RNF130: variants seen among roughly 807,000 people sequenced by gnomAD.
RNF130 encodes E3 ubiquitin-protein ligase RNF130.
Under a neutral mutation model 44.6 loss-of-function variants are expected in RNF130, and 21 were observed. The ratio of observed to expected loss-of-function variants is 0.47; its 90% CI spans 0.33 to 0.68. RNF130 has a LOEUF of 0.68. Among genes scored for constraint, RNF130 ranks in the 30% least tolerant of loss-of-function variants. The pLI is 0.02. For missense variants in RNF130, 479 were observed against 560.6 expected (o/e 0.85, Z 1.47); for synonymous variants, 214 against 210.4 (o/e 1.02, Z -0.15).
At chr5:179,947,245 A>T (rs1156354055) in intron 7 of RNF130, among the ~76,000 whole-genome samples, 2 of 152,228 alleles carry the variant, frequency 1.3e-5, no homozygotes, top group Non-Finnish European at 2.9e-5. Context: ...TTTCAGGACC[A>T]GTCTGCATTC....
At chr5:179,999,725 GA>G (rs1763290840) in intron 3 of RNF130, among the ~76,000 whole-genome samples, 1 of 151,506 alleles carries the variant, frequency 6.6e-6, no homozygotes, top group African/African-American at 2.4e-5. Context: ...TCAAAAAAAG[GA>G]AAAAAGAAAA....
At chr5:179,958,696 T>G (rs1278410397) in intron 8 of RNF130, among the ~76,000 whole-genome samples, 1 of 151,994 alleles carries the variant, frequency 6.6e-6, no homozygotes, top group Non-Finnish European at 1.5e-5. Context: ...GTTTCTTTCT[T>G]TTTTTTTGAG....
rs1762731225 is a variant in RNF130 at position 179,977,174 on chromosome 5, T to C, written c.848+1029A>G. 1 of 152,252 alleles carries C rather than the reference T, an allele frequency of 6.6e-6. No homozygotes were observed. Among genetic ancestry groups the C allele is most frequent in the Non-Finnish European group, 1.5e-5 (1 of 68,102 alleles). The allele number at this position is 152,252 out of a possible 1,614,324, so 9.4% of individuals were successfully genotyped here. On this transcript the variant is annotated intron_variant, in intron 5 of 8. Transcript: ENST00000521389. This position sits in a 1 kb window ranked among gnomAD's most constrained non-coding sequence, Gnocchi z 4.1. ...ACTGTACAACGGGGAAAACACACCC[T>C]CTTAGGACTGCTGGGAGAATTATAG...
At chr5:179,935,282 A>C (rs1344867868) in intron 7 of RNF130, among the ~76,000 whole-genome samples, 1 of 152,232 alleles carries the variant, frequency 6.6e-6, no homozygotes, top group Non-Finnish European at 1.5e-5. Flanking sequence ...ATCATCCAGC[A>C]TATAAGTCTA....
At chr5:179,966,689 CT>C (rs1273548774) in intron 7 of RNF130, 116 bp downstream of exon 7, 1 of 819,814 alleles carries the variant, frequency 1.2e-6, no homozygotes, top group East Asian at 2.7e-5. Context: ...ACACACATCA[CT>C]TTCTTGGTTA....
intron 1 of RNF130, among the ~76,000 whole-genome samples, chr5:180,062,850 T>A (rs1025264918): frequency 6.6e-6 from 1 of 152,216 alleles, no homozygotes; most frequent in Non-Finnish European, 1.5e-5. Flanking sequence ...AGATTCTCAA[T>A]CTGTCCCGTT....
At chr5:179,945,898 C>G (rs373948602) in intron 7 of RNF130, among the ~76,000 whole-genome samples, 2 of 132,350 alleles carry the variant, frequency 1.5e-5, no homozygotes, top group Admixed American at 1.5e-4. Context: ...ACAATAAATG[C>G]CCGGAGGGAA....
chr5:180,026,166 G>A (rs952433770), intron 2 of RNF130, among the ~76,000 whole-genome samples: 1 of 150,326 alleles, frequency 6.7e-6, no homozygotes, highest in African/African-American at 2.4e-5. Flanking sequence ...ATTGCTGATT[G>A]ATAAAAAGAT....
chr5:179,976,779 A>G (rs1401047398), intron 5 of RNF130: 1 of 152,052 alleles, frequency 6.6e-6, no homozygotes, highest in Non-Finnish European at 1.5e-5. Flanking sequence ...TCATGGAGAT[A>G]ACAACTCACA....
chr5:179,977,574 C>T lies in RNF130; in HGVS notation c.848+629G>A, dbSNP rs1561677710. Reference sequence around the variant, plus strand: ...AACCCCATCTTTAAAGAAAACAGGCCGGGTGCGGTGGCTCACGCCTGTAAT... The same window carrying T: ...AACCCCATCTTTAAAGAAAACAGGCTGGGTGCGGTGGCTCACGCCTGTAAT... On this transcript the variant is annotated intron_variant, in intron 5 of 8. Coordinates refer to ENST00000521389, the MANE Select transcript of RNF130 (RefSeq NM_018434.6). This position sits in a 1 kb window ranked among gnomAD's most constrained non-coding sequence, Gnocchi z 4.1. 6.6e-6 allele frequency among the ~76,000 whole-genome samples: 1 copy of T among 152,132 alleles called. No individual in the cohort carries two copies. The highest frequency in any genetic ancestry group is 1.5e-5 in the Non-Finnish European group (1 of 68,028).
chr5:180,057,984 GTAGT>G (rs1219977257), intron 1 of RNF130, among the ~76,000 whole-genome samples: 1 of 152,110 alleles, frequency 6.6e-6, no homozygotes, highest in African/African-American at 2.4e-5. Context: ...ACTTTACCAG[GTAGT>G]TAGTGTCAGA....
Position 180,068,144 on chromosome 5 carries a change from T to C in RNF130, c.247+3312A>G, listed in dbSNP as rs1226301584. Among the ~76,000 whole-genome samples the C allele has an allele frequency of 3.9e-5, 6 of 152,176 alleles. No homozygotes were observed. The South Asian group carries it at 1.0e-3, about 26-fold the overall frequency. On this transcript the variant is annotated intron_variant, in intron 1 of 8. Transcript: ENST00000521389. Reference sequence around the variant, plus strand: ...CACATCTGCATACATAATCACATCATCAACACAGGGCTTTCTCCTCTCCCA... The same window carrying C: ...CACATCTGCATACATAATCACATCACCAACACAGGGCTTTCTCCTCTCCCA...
At chr5:180,028,508 T>C (rs1016992733) in intron 2 of RNF130, among the ~76,000 whole-genome samples, 1 of 152,206 alleles carries the variant, frequency 6.6e-6, no homozygotes, top group African/African-American at 2.4e-5. Flanking sequence ...ATCCTCATTA[T>C]GCAGGGCCTG....
At chr5:180,070,990 C>G (rs942304293) in intron 1 of RNF130, among the ~76,000 whole-genome samples, 3 of 151,370 alleles carry the variant, frequency 2.0e-5, no homozygotes, top group Non-Finnish European at 2.9e-5. Flanking sequence ...CACCCCCCCC[C>G]CAATTTACCA....
At chr5:179,929,013 T>C (rs1245962018) in intron 7 of RNF130, among the ~76,000 whole-genome samples, 1 of 152,214 alleles carries the variant, frequency 6.6e-6, no homozygotes, top group Non-Finnish European at 1.5e-5. Flanking sequence ...GTTAGGGCTT[T>C]TTCAGTCCAG....
intron 7 of RNF130, among the ~76,000 whole-genome samples, chr5:179,949,464 T>A (rs967083624): frequency 6.6e-6 from 1 of 151,572 alleles, no homozygotes; most frequent in South Asian, 2.1e-4. Context: ...CTTGCTATGT[T>A]GCCCAGGCTG....
At chr5:180,004,126 C>T (rs915222394) in intron 3 of RNF130, among the ~76,000 whole-genome samples, 2 of 152,230 alleles carry the variant, frequency 1.3e-5, no homozygotes, top group East Asian at 1.9e-4. Flanking sequence ...AGGGGAGGAA[C>T]GATCTTGGAA....
chr5:179,969,705 A>G (rs1762537125), intron 6 of RNF130, among the ~76,000 whole-genome samples: 1 of 151,312 alleles, frequency 6.6e-6, no homozygotes. Flanking sequence ...AACATAAAAA[A>G]GTGGCCAGGC....
rs369441327 is a variant in RNF130, at chr5:179,948,875, T to C, written c.1150+17931A>G. 5.6e-3 allele frequency among the ~76,000 whole-genome samples: 851 copies of C among 152,146 alleles called. 13 individuals are homozygous for C. Among genetic ancestry groups the C allele is most frequent in the African/African-American group, 0.019 (808 of 41,502 alleles). ...GACTGCCTTAAGCTGCTGGGTAGAA[T>C]CAGGGGCACTTGCTTTCCCGTGGAG... On this transcript the variant is annotated intron_variant, in intron 7 of 7. Coordinates refer to the RNF130 transcript ENST00000522208.
Sources: gnomAD v4.1 joint callset for allele counts (sites outside exome capture counted in the v4.1 genomes callset) on GRCh38, gnomAD v4.1.1 for gene constraint, Gnocchi (gnomAD v3.1) non-coding constraint, MANE v1.5 for transcripts, NCBI Gene and HGNC (gene_info 2026-07-23, HGNC 2026-07-21) for gene names.